Variants in JMJD1C observed in about 807,000 individuals in gnomAD.
The protein encoded by JMJD1C is jumonji domain containing 1C, also known as jumonji domain-containing protein 1C.
Under a neutral mutation model 245.3 loss-of-function variants are expected in JMJD1C, and 31 were observed. The observed-to-expected ratio is 0.13, with a 90% CI of 0.09 to 0.17. JMJD1C has a LOEUF of 0.17. JMJD1C is among the 10% of genes least tolerant of loss of function. The pLI, the probability that JMJD1C is intolerant of heterozygous loss-of-function variation, is 1.00. For missense variants in JMJD1C, 2,691 were observed against 3,000.2 expected (o/e 0.90, Z 2.41); for synonymous variants, 1,057 against 1,017.4 (o/e 1.04, Z -0.74).
chr10:63,506,935 C>T (rs1030459733), intron 1 of JMJD1C, among the ~76,000 whole-genome samples: 1 of 152,122 alleles, frequency 6.6e-6, no homozygotes, highest in African/African-American at 2.4e-5. Flanking sequence ...CCCCTCTCTC[C>T]CCTGTAACCC....
chr10:63,204,895 C>G, intron 10 of JMJD1C: 1 of 985,428 alleles, frequency 1.0e-6, no homozygotes, highest in South Asian at 4.7e-5. Flanking sequence ...TTAAAAGGCA[C>G]AAATGGGAGC....
chr10:63,521,617 C>G, intron 1 of JMJD1C: 1 of 1,371,736 alleles, frequency 7.3e-7, no homozygotes, highest in Non-Finnish European at 9.6e-7. Context: ...GGCGCGAGGC[C>G]CAGGGGAGCT....
chr10:63,279,251 G>A (rs916874925), intron 2 of JMJD1C, among the ~76,000 whole-genome samples: 10 of 151,948 alleles, frequency 6.6e-5, no homozygotes, highest in African/African-American at 1.7e-4. Context: ...ACGTGGTCTC[G>A]AAACAAACAA....
intron 2 of JMJD1C, among the ~76,000 whole-genome samples, chr10:63,348,205 C>CAA (rs35674300): frequency 7.7e-6 from 1 of 129,936 alleles, no homozygotes; most frequent in Non-Finnish European, 1.6e-5. Flanking sequence ...GACTTCATCT[C>CAA]AAAAAAAAAA....
In JMJD1C at chr10:63,465,537, G is replaced by A. The variant is rs1190453891; in HGVS notation, c.126C>T (p.Ile42=). 1.2e-6 allele frequency: 2 copies of A among 1,601,920 alleles called. No homozygotes were observed. The highest frequency in any genetic ancestry group is 1.7e-5 in the Admixed American group (1 of 59,182). The change falls in exon 1 of 26, where the codon ATC becomes ATT. Residue 42 remains isoleucine, a synonymous_variant. Transcript: ENST00000399262. ...GGCTGTCCCTGTGTGACACGGCTCGGATGACCCCCGCTCGCCAGCTTCGCC... is the reference window on the plus strand; with the variant it reads ...GGCTGTCCCTGTGTGACACGGCTCGAATGACCCCCGCTCGCCAGCTTCGCC... ...RGWRSWRAGV[I]RAVSHRDSRN...
chr10:63,183,207 C>T (rs1234824815), intron 22 of JMJD1C, among the ~76,000 whole-genome samples: 1 of 152,010 alleles, frequency 6.6e-6, no homozygotes, highest in East Asian at 1.9e-4. Context: ...TTCATCAACA[C>T]AATACTTAAT....
intron 2 of JMJD1C, among the ~76,000 whole-genome samples, chr10:63,373,401 T>TA (rs1209720635): frequency 6.6e-6 from 1 of 152,204 alleles, no homozygotes; most frequent in African/African-American, 2.4e-5. Context: ...TGTTAAGTTT[T>TA]AAAAAATATA....
At chr10:63,407,915 CCA>C (rs758989763) in intron 1 of JMJD1C, among the ~76,000 whole-genome samples, 2 of 151,414 alleles carry the variant, frequency 1.3e-5, no homozygotes, top group Non-Finnish European at 2.9e-5. Flanking sequence ...GAAAATTTTT[CCA>C]AGTAGAACAT....
chr10:63,342,463 T>C (rs1185459231), intron 2 of JMJD1C, among the ~76,000 whole-genome samples: 1 of 152,224 alleles, frequency 6.6e-6, no homozygotes, highest in African/African-American at 2.4e-5. Flanking sequence ...TACCTCCTCA[T>C]CACTAGAGGA....
chr10:63,258,198 T>C (rs1223235993), intron 3 of JMJD1C, among the ~76,000 whole-genome samples: 1 of 152,250 alleles, frequency 6.6e-6, no homozygotes, highest in Non-Finnish European at 1.5e-5. Flanking sequence ...TATTTACAGT[T>C]GAGGAAACCA....
At chr10:63,172,734 T>TA (rs1378516769) in intron 24 of JMJD1C, among the ~76,000 whole-genome samples, 1 of 150,620 alleles carries the variant, frequency 6.6e-6, no homozygotes, top group Non-Finnish European at 1.5e-5. Flanking sequence ...GAATGAAGCC[T>TA]AAAAAAGTGT....
intron 1 of JMJD1C, among the ~76,000 whole-genome samples, chr10:63,462,426 T>A (rs999903074): frequency 6.6e-6 from 1 of 152,218 alleles, no homozygotes; most frequent in African/African-American, 2.4e-5. Context: ...TACCACGGTG[T>A]GGTAAAAAAT....
intron 22 of JMJD1C, among the ~76,000 whole-genome samples, chr10:63,180,529 A>G (rs72829170): frequency 0.14 from 21,424 of 152,236 alleles, 2,214 homozygotes; most frequent in East Asian, 0.35. Context: ...TTTCCCAGTC[A>G]TGGTAAAACA....
intron 2 of JMJD1C, among the ~76,000 whole-genome samples, chr10:63,289,959 TA>T (rs1440703809): frequency 6.6e-6 from 1 of 151,938 alleles, no homozygotes; most frequent in South Asian, 2.1e-4. Flanking sequence ...TCACAGAAGT[TA>T]AAAAAATTTA....
At chr10:63,394,949 ATACT>A (rs1564873601) in intron 1 of JMJD1C, among the ~76,000 whole-genome samples, 1 of 152,196 alleles carries the variant, frequency 6.6e-6, no homozygotes, top group Non-Finnish European at 1.5e-5. Flanking sequence ...CTGTAAGGAA[ATACT>A]TACAAATCAC....
chr10:63,374,835 GCTAAAA>G (rs1408967523), intron 2 of JMJD1C, among the ~76,000 whole-genome samples: 1 of 152,170 alleles, frequency 6.6e-6, no homozygotes, highest in Non-Finnish European at 1.5e-5. Context: ...TGCAGTGTTA[GCTAAAA>G]CTATGTTTAA....
intron 2 of JMJD1C, among the ~76,000 whole-genome samples, chr10:63,307,135 A>G (rs1435068439): frequency 6.6e-6 from 1 of 152,198 alleles, no homozygotes; most frequent in Non-Finnish European, 1.5e-5. Flanking sequence ...TGTCCACAAC[A>G]AATAATTCTG....
chr10:63,452,878 A>G (rs1952157444), intron 1 of JMJD1C, among the ~76,000 whole-genome samples: 1 of 152,230 alleles, frequency 6.6e-6, no homozygotes. Context: ...CAGAGACATT[A>G]GATAGAGAGT....
chr10:63,334,583 G>A (rs374939294), intron 2 of JMJD1C, among the ~76,000 whole-genome samples: 12 of 152,170 alleles, frequency 7.9e-5, no homozygotes, highest in South Asian at 2.1e-4. Flanking sequence ...TTAGCCAGGC[G>A]TGGTGGTATG....
Sources: gnomAD v4.1 joint callset for allele counts (sites outside exome capture counted in the v4.1 genomes callset) on GRCh38, gnomAD v4.1.1 for gene constraint, MANE v1.5 for transcripts, NCBI Gene and HGNC (gene_info 2026-07-23, HGNC 2026-07-21) for gene names.